DNAH10: variants seen among roughly 807,000 people sequenced by gnomAD.
The protein encoded by DNAH10 is dynein axonemal heavy chain 10.
DNAH10 carries 348 observed loss-of-function variants against 506.6 expected under a neutral mutation model. That is an observed-to-expected ratio of 0.69 (90% CI 0.63 to 0.75). DNAH10 has a LOEUF of 0.75. DNAH10 is among the 30% of genes least tolerant of loss of function. DNAH10 has a pLI of 0.00. For missense variants in DNAH10, 5,179 were observed against 5,787.1 expected, an observed-to-expected ratio of 0.89 and a Z score of 3.41; for synonymous variants, 2,059 against 2,198.6, an observed-to-expected ratio of 0.94 and a Z score of 1.78.
rs1285868862 is a variant in DNAH10, at chr12:123,910,585, C to T, written c.10047C>T (p.Ser3349=). The T allele has an allele frequency of 6.2e-7, 1 of 1,613,676 alleles. No homozygotes were observed. The highest frequency in any genetic ancestry group is 1.1e-5 in the South Asian group (1 of 91,076). ...CAACTGAAGAAATGGAAGCTGTCAG[C>T]AAAGCCGGGCTGGGGATGCTGAAAT... The part of the protein sequence containing the change: ...NTTTEEMEAV[S]KAGLGMLKFV... Residue 3349 remains serine (S), a synonymous_variant, in exon 59 of 79, where the codon AGC becomes AGT. Coordinates refer to ENST00000673944, the MANE Select transcript of DNAH10 (RefSeq NM_001372106.1).
Position 123,818,960 on chromosome 12 carries a change from C to T in DNAH10, c.3791C>T (p.Ala1264Val), listed in dbSNP as rs754007309. The T allele has an allele frequency of 1.3e-6, 2 of 1,598,884 alleles. No homozygotes were observed. The highest frequency in any genetic ancestry group is 1.7e-6 in the Non-Finnish European group (2 of 1,171,836). The change falls in exon 22 of 79, where the codon GCA becomes GTA. Residue 1264 changes from alanine to valine, a missense_variant. Transcript: ENST00000673944. ...MAMYNLFPPD[A>V]EKELVDKIES... The stretch of plus-strand genomic sequence containing the variant: ...GTTTCTCCTAATTAGCCTCCTGATG[C>T]AGAGAAAGAACTGGTTGATAAGATT...
intron 51 of DNAH10, among the ~76,000 whole-genome samples, chr12:123,884,685 A>G (rs1952654557): frequency 6.6e-6 from 1 of 152,202 alleles, no homozygotes. Flanking sequence ...TTATGATTTC[A>G]ACAAAGGAAT....
intron 6 of DNAH10, among the ~76,000 whole-genome samples, chr12:123,782,239 G>T (rs1482380498): frequency 6.6e-6 from 1 of 150,536 alleles, no homozygotes; most frequent in Non-Finnish European, 1.5e-5. Context: ...ATAGCATCCT[G>T]TTCTTGTTTG....
At chr12:123,898,125 G>A (rs1280425440) in intron 55 of DNAH10, among the ~76,000 whole-genome samples, 158 bp downstream of exon 55, 1 of 152,208 alleles carries the variant, frequency 6.6e-6, no homozygotes, top group African/African-American at 2.4e-5. Context: ...CTTTCATGTG[G>A]GCAGGACCCT....
At chr12:123,766,108 GTCTGTCTA>G (rs1396339866) in intron 1 of DNAH10, among the ~76,000 whole-genome samples, 42 of 95,498 alleles carry the variant, frequency 4.4e-4, no homozygotes, top group African/African-American at 1.3e-3. Context: ...CTATACATCT[GTCTGTCTA>G]TCTATCTATA....
chr12:123,879,533 G>A (rs965134265), intron 49 of DNAH10, 101 bp from the exon 50 acceptor site: 22 of 1,531,394 alleles, frequency 1.4e-5, no homozygotes, highest in African/African-American at 4.1e-5. Flanking sequence ...AAAATAGAAC[G>A]CAAATTATTT....
chr12:123,805,078 GTAGATTAAA>G (rs1958613889), intron 18 of DNAH10, 38 bp downstream of exon 18: 1 of 1,602,938 alleles, frequency 6.2e-7, no homozygotes, highest in Non-Finnish European at 8.5e-7. Flanking sequence ...AATGGTGTGT[GTAGATTAAA>G]ACAGTTGACA....
intron 27 of DNAH10, among the ~76,000 whole-genome samples, chr12:123,834,764 A>G (rs904659348): frequency 2.0e-5 from 3 of 152,208 alleles, no homozygotes; most frequent in African/African-American, 7.2e-5. Context: ...ATATAAGCGG[A>G]ATGACACAAT....
intron 19 of DNAH10, among the ~76,000 whole-genome samples, chr12:123,809,406 G>A (rs1434475565): frequency 1.3e-5 from 2 of 152,172 alleles, no homozygotes; most frequent in Non-Finnish European, 2.9e-5. Flanking sequence ...AGCACTTTGG[G>A]AGGCTGAGGT....
intron 37 of DNAH10, 60 bp downstream of exon 37, chr12:123,857,307 T>C (rs1036493873): frequency 4.9e-5 from 70 of 1,416,460 alleles, no homozygotes; most frequent in Non-Finnish European, 6.5e-5. Context: ...CTTTTTGTTT[T>C]TGCAGTTCTT....
chr12:123,875,990 C>A (rs922665235), intron 47 of DNAH10, among the ~76,000 whole-genome samples: 1 of 152,198 alleles, frequency 6.6e-6, no homozygotes, highest in East Asian at 1.9e-4. Context: ...TGCATAGCAG[C>A]TACTCATTGG....
At chr12:123,782,286 G>T (rs1306112365) in intron 6 of DNAH10, among the ~76,000 whole-genome samples, 1 of 146,388 alleles carries the variant, frequency 6.8e-6, no homozygotes, top group African/African-American at 2.6e-5. Flanking sequence ...GAGACAAATA[G>T]TTGGGCTTTC....
chr12:123,796,785 C>T lies in DNAH10; in HGVS notation c.2116C>T (p.Arg706Ter), dbSNP rs754301936. 6.8e-6 allele frequency: 11 copies of T among 1,614,032 alleles called. No homozygotes were observed. Among genetic ancestry groups the T allele is most frequent in the South Asian group, 2.2e-5 (2 of 91,056 alleles). ...CTTTCGGATTAAGCATACCATCCTC[C>T]GATTTCAAGAGGTACAAGAGATACT... Reference protein sequence around the residue: ...LFFRIKHTILRFQEVQEILDS... With the variant: ...LFFRIKHTIL The change falls in exon 13 of 79, where the codon CGA (arginine) becomes TGA (stop). Residue 706 changes from arginine (R) to a stop codon, truncating the protein, a stop_gained. Transcript: ENST00000673944. LOFTEE classifies it high-confidence loss of function.
intron 47 of DNAH10, among the ~76,000 whole-genome samples, chr12:123,877,502 G>A (rs553844307): frequency 4.5e-4 from 68 of 152,260 alleles, no homozygotes; most frequent in Non-Finnish European, 8.1e-4. Context: ...TTTTAATAGA[G>A]ATGGGGTTTC....
At position 123,786,427 on chromosome 12, in the gene DNAH10, C is replaced by T. The variant is rs142584568; in HGVS notation, c.1421+491C>T. Among the ~76,000 whole-genome samples, 994 of 150,000 alleles carry T rather than the reference C, an allele frequency of 6.6e-3. 18 individuals carry two copies. The highest frequency in any genetic ancestry group is 0.023 in the African/African-American group (924 of 40,826). On this transcript the variant is annotated intron_variant, in intron 9 of 78. Coordinates refer to ENST00000673944, the MANE Select transcript of DNAH10 (RefSeq NM_001372106.1). ...ATGTTCTTCATCCCTCAAAAGAAAA[C>T]GTGTGCCTTTTAGCAGTCAGTCCTC...
intron 8 of DNAH10, among the ~76,000 whole-genome samples, chr12:123,784,593 A>G (rs1411396298): frequency 6.6e-6 from 1 of 152,214 alleles, no homozygotes; most frequent in Non-Finnish European, 1.5e-5. Flanking sequence ...TAGACATGAC[A>G]TGATATTATC....
intron 12 of DNAH10, 61 bp downstream of exon 12, chr12:123,794,173 T>C (rs1165318286): frequency 3.5e-5 from 37 of 1,051,476 alleles, no homozygotes; most frequent in Non-Finnish European, 3.3e-5. Context: ...ATGTGAACAA[T>C]TGAATCCCAC....
At chr12:123,883,622 A>T (rs962659116) in intron 51 of DNAH10, among the ~76,000 whole-genome samples, 1 of 152,150 alleles carries the variant, frequency 6.6e-6, no homozygotes, top group African/African-American at 2.4e-5. Flanking sequence ...TTTACAATGG[A>T]TTTATTGAGA....
intron 38 of DNAH10, 51 bp downstream of exon 38, chr12:123,859,319 A>G (rs1951526302): frequency 7.1e-7 from 1 of 1,416,432 alleles, no homozygotes; most frequent in East Asian, 2.7e-5. Flanking sequence ...GGCTCACAGT[A>G]TATGTTTGGT....
Sources: gnomAD v4.1 joint callset for allele counts (sites outside exome capture counted in the v4.1 genomes callset) on GRCh38, gnomAD v4.1.1 for gene constraint, MANE v1.5 for transcripts, NCBI Gene and HGNC (gene_info 2026-07-23, HGNC 2026-07-21) for gene names.